The following WAPL variants were observed in gnomAD, a reference collection of about 807,000 sequenced individuals.
WAPL encodes the protein wings apart-like protein homolog.
A neutral mutation model predicts 121.0 loss-of-function variants in WAPL; 5 were observed. That is an observed-to-expected ratio of 0.04 (90% CI 0.02 to 0.09). The LOEUF (loss-of-function observed/expected upper bound fraction) is 0.09. Ranked by LOEUF, WAPL falls within the 10% of genes least tolerant of loss-of-function variation. The pLI, the probability that WAPL is intolerant of heterozygous loss-of-function variation, is 1.00. For missense variants in WAPL, 999 were observed against 1,410.8 expected, an observed-to-expected ratio of 0.71 and a Z score of 4.68; for synonymous variants, 480 against 481.5, an observed-to-expected ratio of 1.00 and a Z score of 0.04.
Position 86,517,896 on chromosome 10 carries a change from A to T in WAPL, c.174T>A (p.Ile58=). Residue 58 remains isoleucine (I), a synonymous_variant, in exon 2 of 19, where the codon ATT becomes ATA. Coordinates refer to ENST00000298767, the MANE Select transcript of WAPL (RefSeq NM_015045.5). ...CTTCTTCCACTTTAGGTTTCTTCGG[A>T]ATTTCTTGGATATCTGGTTTGAAAT... ...RPNFKPDIQE[I]PKKPKVEEES... is the part of the protein sequence containing the mutation. 1 of 1,614,050 alleles carries T rather than the reference A, an allele frequency of 6.2e-7. No individual in the cohort carries two copies. Among genetic ancestry groups the T allele is most frequent in the Non-Finnish European group, 8.5e-7 (1 of 1,179,992 alleles).
At chr10:86,491,084 C>A (rs541510375) in intron 4 of WAPL, among the ~76,000 whole-genome samples, 89 of 147,510 alleles carry the variant, frequency 6.0e-4, no homozygotes, top group Middle Eastern at 7.1e-3. Context: ...TAAATAAATA[C>A]ATACATAAAT....
Position 86,453,694 on chromosome 10 carries a change from G to T in WAPL, c.2795C>A (p.Ala932Asp). 6.2e-7 allele frequency: 1 copy of T among 1,608,184 alleles called. No individual in the cohort carries two copies. Among genetic ancestry groups the T allele is most frequent in the South Asian group, 1.1e-5 (1 of 89,134 alleles). ...TAAATTAAGCAACACCCCGATGATG[G>T]CCCTCATGCAGTCCTCCACTGCTTT... is the stretch of plus-strand genomic sequence containing the variant. ...VGKAVEDCMR[A>D]IIGVLLNLTN... Residue 932 changes from alanine (A) to aspartate (D), a missense_variant, in exon 13 of 19, where the codon GCC becomes GAC. Around this residue, in one of 7 missense-constraint regions of WAPL, gnomAD observed 85 missense variants for 133.5 expected, o/e 0.64. Coordinates refer to ENST00000298767, the MANE Select transcript of WAPL (RefSeq NM_015045.5).
intron 12 of WAPL, among the ~76,000 whole-genome samples, chr10:86,456,130 CAG>C (rs1408881936): frequency 3.9e-5 from 6 of 152,226 alleles, no homozygotes; most frequent in Admixed American, 6.5e-5. Context: ...AAAACAAAGT[CAG>C]AGTGTCTTGC....
intron 2 of WAPL, among the ~76,000 whole-genome samples, chr10:86,505,237 C>T (rs747641463): frequency 7.6e-5 from 11 of 144,674 alleles, no homozygotes; most frequent in Non-Finnish European, 1.5e-4. Context: ...TAGACTCAGG[C>T]GATCCTCCCA....
intron 15 of WAPL, among the ~76,000 whole-genome samples, chr10:86,450,324 C>T (rs190189585): frequency 2.0e-5 from 3 of 152,294 alleles, no homozygotes; most frequent in African/African-American, 7.2e-5. Flanking sequence ...CAACTTCAAA[C>T]TCCTGGGTGC....
At chr10:86,517,443 CTATCAATGGTCCCCATG>C (rs2132236060) in intron 2 of WAPL, 111 bp downstream of exon 2, 2 of 1,315,980 alleles carry the variant, frequency 1.5e-6, no homozygotes, top group East Asian at 5.1e-5. Flanking sequence ...TTTTACAAAA[CTATCAATGGTCCCCATG>C]TATCATAAGT....
chr10:86,479,529 C>A (rs1474179737), intron 4 of WAPL, among the ~76,000 whole-genome samples: 1 of 152,222 alleles, frequency 6.6e-6, no homozygotes, highest in Non-Finnish European at 1.5e-5. Context: ...GCTGGGACTA[C>A]TGGCGTGAGC....
intron 2 of WAPL, among the ~76,000 whole-genome samples, chr10:86,506,356 C>T (rs1019440900): frequency 1.3e-5 from 2 of 152,252 alleles, no homozygotes; most frequent in African/African-American, 4.8e-5. Flanking sequence ...GTAATGGTTA[C>T]AGGAGTGTTC....
chr10:86,520,160 T>A (rs1212502677), intron 1 of WAPL, among the ~76,000 whole-genome samples: 1 of 152,066 alleles, frequency 6.6e-6, no homozygotes, highest in Non-Finnish European at 1.5e-5. Flanking sequence ...CCGGGCGTGG[T>A]GGCGCATGCC....
chr10:86,519,958 G>A (rs1233141974), intron 1 of WAPL, among the ~76,000 whole-genome samples: 1 of 152,204 alleles, frequency 6.6e-6, no homozygotes. Flanking sequence ...GTCTTCAGAT[G>A]AATACCTGAC....
At chr10:86,509,467 A>G (rs1842413447) in intron 2 of WAPL, among the ~76,000 whole-genome samples, 1 of 152,166 alleles carries the variant, frequency 6.6e-6, no homozygotes, top group South Asian at 2.1e-4. Context: ...CCCTAGAACA[A>G]GCAAGTAAGC....
chr10:86,488,998 A>G (rs982114016), intron 4 of WAPL, among the ~76,000 whole-genome samples: 1 of 152,234 alleles, frequency 6.6e-6, no homozygotes. Flanking sequence ...ACAAGCTGAC[A>G]TTAAGTACCA....
At chr10:86,510,596 G>A (rs560340754) in intron 2 of WAPL, among the ~76,000 whole-genome samples, 12 of 152,254 alleles carry the variant, frequency 7.9e-5, no homozygotes, top group East Asian at 3.9e-4. Flanking sequence ...TCTCCCATGC[G>A]TTTGTTAATA....
Position 86,483,431 on chromosome 10 carries a change from A to G in WAPL, c.1645-9458T>C, listed in dbSNP as rs575450103. Among the ~76,000 whole-genome samples the G allele has an allele frequency of 1.5e-4, 23 of 152,240 alleles. No homozygotes were observed. In the South Asian group the frequency reaches 4.6e-3, roughly 30 times the overall value. ...GCAAAAACTCCATCTCAAAAAAAAA[A>G]AAGAGTATAGCACATACAATTAGAT... On this transcript the variant is annotated intron_variant, in intron 4 of 18. Coordinates refer to ENST00000298767, the MANE Select transcript of WAPL (RefSeq NM_015045.5).
chr10:86,448,513 C>T (rs1022294631), intron 15 of WAPL, among the ~76,000 whole-genome samples: 2 of 152,158 alleles, frequency 1.3e-5, no homozygotes, highest in African/African-American at 2.4e-5. Flanking sequence ...GATGAACCTA[C>T]GTGTTGACAT....
chr10:86,477,754 T>C (rs547063925), intron 4 of WAPL, among the ~76,000 whole-genome samples: 6 of 152,086 alleles, frequency 3.9e-5, no homozygotes, highest in East Asian at 1.9e-4. Flanking sequence ...TGAGCCAAGA[T>C]TGCACCATTG....
At chr10:86,467,607 G>T in intron 8 of WAPL, 101 bp from the exon 9 acceptor site, 2 of 861,718 alleles carry the variant, frequency 2.3e-6, no homozygotes, top group South Asian at 2.0e-5. Context: ...ACAAGTTAAT[G>T]CTTAAAACTT....
At chr10:86,505,433 C>T (rs80297395) in intron 2 of WAPL, among the ~76,000 whole-genome samples, 30 of 149,014 alleles carry the variant, frequency 2.0e-4, no homozygotes, top group African/African-American at 6.4e-4. Context: ...ACTACAGGCG[C>T]GAGTCACCAT....
intron 4 of WAPL, among the ~76,000 whole-genome samples, chr10:86,474,631 A>G (rs1017125485): frequency 6.6e-6 from 1 of 152,168 alleles, no homozygotes; most frequent in African/African-American, 2.4e-5. Context: ...TGGGAGAGTG[A>G]GGAAGGAGGA....
Sources: allele counts gnomAD v4.1 joint callset (sites outside exome capture counted in the v4.1 genomes callset), GRCh38; gene constraint gnomAD v4.1.1; regional missense constraint gnomAD v4.1.1; transcripts MANE v1.5; gene names NCBI Gene and HGNC (gene_info 2026-07-23, HGNC 2026-07-21).